MYO10: variants seen among roughly 807,000 people sequenced by gnomAD.
MYO10 encodes myosin X.
A neutral mutation model predicts 257.3 loss-of-function variants in MYO10; 133 were observed. The ratio of observed to expected loss-of-function variants is 0.52; its 90% CI spans 0.45 to 0.60. The LOEUF is 0.60. Ranked by LOEUF, MYO10 falls within the 20% of genes least tolerant of loss-of-function variation. The pLI, the probability that MYO10 is intolerant of heterozygous loss-of-function variation, is 0.00. For synonymous variants in MYO10, 1,104 were observed against 1,028.6 expected, an observed-to-expected ratio of 1.07 and a Z score of -1.40; for missense variants, 2,399 against 2,635.7, an observed-to-expected ratio of 0.91 and a Z score of 1.97.
At chr5:16,850,843 C>T (rs1440227563) in intron 2 of MYO10, among the ~76,000 whole-genome samples, 2 of 151,044 alleles carry the variant, frequency 1.3e-5, no homozygotes, top group East Asian at 2.0e-4. Context: ...GCTCTGTCGT[C>T]CAGGCTGGAG....
chr5:16,719,334 C>A (rs1739046225), intron 19 of MYO10, among the ~76,000 whole-genome samples: 1 of 152,184 alleles, frequency 6.6e-6, no homozygotes, highest in Admixed American at 6.5e-5. Context: ...GGACACAATA[C>A]CCCCTCCTTG....
At chr5:16,923,624 T>C (rs1036867583) in intron 1 of MYO10, among the ~76,000 whole-genome samples, 1 of 150,846 alleles carries the variant, frequency 6.6e-6, no homozygotes, top group African/African-American at 2.4e-5. Context: ...TCCAGAAAGA[T>C]TTCCTAGGTT....
chr5:16,768,031 C>G (rs956540179), intron 10 of MYO10, among the ~76,000 whole-genome samples: 1 of 151,936 alleles, frequency 6.6e-6, no homozygotes, highest in South Asian at 2.1e-4. Context: ...CCCACATAAA[C>G]AAAAGCTCTC....
intron 2 of MYO10, among the ~76,000 whole-genome samples, chr5:16,855,840 G>A (rs764612551): frequency 5.3e-5 from 8 of 152,220 alleles, no homozygotes; most frequent in Non-Finnish European, 1.2e-4. Context: ...ATGCATTTTA[G>A]AACAGCAGAT....
chr5:16,849,857 A>G (rs1743748234), intron 2 of MYO10, among the ~76,000 whole-genome samples: 1 of 152,188 alleles, frequency 6.6e-6, no homozygotes, highest in South Asian at 2.1e-4. Flanking sequence ...AACCCATACA[A>G]AAGAAATTAA....
intron 2 of MYO10, among the ~76,000 whole-genome samples, chr5:16,876,400 C>T (rs1222018020): frequency 2.0e-5 from 3 of 152,256 alleles, no homozygotes; most frequent in East Asian, 1.9e-4. Context: ...AACAGTGGTG[C>T]TCCTATAAAC....
rs1740732821 is a variant in MYO10, at chr5:16,762,142, A to AT, written c.1588-30_1588-29insA. The AT allele has an allele frequency of 1.0e-4, 146 of 1,434,982 alleles. 4 individuals carry two copies. The highest frequency in any genetic ancestry group is 1.7e-4 in the Admixed American group (6 of 34,996). The allele number at this position is 1,434,982 out of a possible 1,614,324, so 88.9% of individuals were successfully genotyped here. On this transcript the variant is annotated intron_variant, in intron 15 of 40. Transcript: ENST00000513610. ...AAAAAAAAAAAAAAAAAAAAAAAAAAAATACAATGCCTTATTTCACTCACT... is the reference window on the plus strand; with the variant it reads ...AAAAAAAAAAAAAAAAAAAAAAAAAATAATACAATGCCTTATTTCACTCACT...
intron 19 of MYO10, among the ~76,000 whole-genome samples, chr5:16,716,286 G>A (rs1319760755): frequency 1.3e-5 from 2 of 151,774 alleles, no homozygotes; most frequent in African/African-American, 4.8e-5. Context: ...ATTAATAACA[G>A]GGCACACTAA....
At chr5:16,705,030 T>C (rs544874459) in intron 21 of MYO10, among the ~76,000 whole-genome samples, 2 of 152,302 alleles carry the variant, frequency 1.3e-5, no homozygotes, top group South Asian at 4.1e-4. Flanking sequence ...GACGAATAGT[T>C]CATGGACCAG....
chr5:16,790,924 C>T (rs1171800566), intron 4 of MYO10, among the ~76,000 whole-genome samples: 3 of 150,566 alleles, frequency 2.0e-5, no homozygotes, highest in Admixed American at 6.6e-5. Context: ...CACACACACA[C>T]ACACATATAT....
At chr5:16,683,607 A>G (rs1737107900) in intron 30 of MYO10, among the ~76,000 whole-genome samples, 1 of 152,206 alleles carries the variant, frequency 6.6e-6, no homozygotes, top group Non-Finnish European at 1.5e-5. Flanking sequence ...GTCCCTGTAT[A>G]CACATTAAAA....
At chr5:16,744,464 G>C (rs1295825891) in intron 19 of MYO10, among the ~76,000 whole-genome samples, 1 of 152,136 alleles carries the variant, frequency 6.6e-6, no homozygotes. Flanking sequence ...CTCTGCACCT[G>C]GGTGGCTGTG....
At chr5:16,674,650 G>C (rs1026908655) in intron 35 of MYO10, among the ~76,000 whole-genome samples, 7 of 151,068 alleles carry the variant, frequency 4.6e-5, no homozygotes, top group Non-Finnish European at 8.8e-5. Flanking sequence ...ACGGTGACTT[G>C]GTCCCTGAAA....
intron 2 of MYO10, among the ~76,000 whole-genome samples, chr5:16,862,702 A>T: frequency 6.6e-6 from 1 of 152,170 alleles, no homozygotes; most frequent in Non-Finnish European, 1.5e-5. Flanking sequence ...TCCAGTATTA[A>T]TTAGCGGATT....
At chr5:16,759,167 C>A (rs1333802082) in intron 17 of MYO10, among the ~76,000 whole-genome samples, 1 of 152,186 alleles carries the variant, frequency 6.6e-6, no homozygotes, top group East Asian at 1.9e-4. Context: ...AGGTGATCCA[C>A]CCGCCTCGGC....
At chr5:16,741,777 C>T in intron 19 of MYO10, 2 of 982,640 alleles carry the variant, frequency 2.0e-6, no homozygotes, top group Non-Finnish European at 2.4e-6. Flanking sequence ...AACTTTTAAG[C>T]AGAACAAGAA....
chr5:16,806,318 C>T (rs977015802), intron 3 of MYO10, among the ~76,000 whole-genome samples: 5 of 151,264 alleles, frequency 3.3e-5, no homozygotes, highest in African/African-American at 1.2e-4. Context: ...GATCACGCCA[C>T]TGCACTCCAG....
chr5:16,685,688 C>G (rs372207840), intron 29 of MYO10, 50 bp downstream of exon 29: 3 of 1,281,392 alleles, frequency 2.3e-6, no homozygotes, highest in Non-Finnish European at 3.3e-6. Flanking sequence ...ACGCCCTCCC[C>G]GTCCCTGCCC....
chr5:16,897,425 A>G (rs948940514), intron 1 of MYO10, among the ~76,000 whole-genome samples: 3 of 152,208 alleles, frequency 2.0e-5, no homozygotes, highest in Non-Finnish European at 4.4e-5. Context: ...GCAAAGACGT[A>G]CGCCCTACTG....
Sources: gnomAD v4.1 joint callset for allele counts (sites outside exome capture counted in the v4.1 genomes callset) on GRCh38, gnomAD v4.1.1 for gene constraint, MANE v1.5 for transcripts, NCBI Gene and HGNC (gene_info 2026-07-23, HGNC 2026-07-21) for gene names.